The following TRIM9 variants were observed in gnomAD, a reference collection of about 807,000 sequenced individuals.
TRIM9 encodes the protein tripartite motif containing 9, also known as E3 ubiquitin-protein ligase TRIM9.
TRIM9 carries 26 observed loss-of-function variants against 78.3 expected under a neutral mutation model. The ratio of observed to expected loss-of-function variants is 0.33; its 90% confidence interval spans 0.24 to 0.46. The LOEUF (loss-of-function observed/expected upper bound fraction) is 0.46, where lower values mean the gene tolerates loss of function less well. Among genes scored for constraint, TRIM9 ranks in the 20% least tolerant of loss-of-function variants. The pLI is 1.00. For missense variants in TRIM9, 787 were observed against 1,036.4 expected, an observed-to-expected ratio of 0.76 and a Z score of 3.30; for synonymous variants, 398 against 416.5, an observed-to-expected ratio of 0.96 and a Z score of 0.54.
Position 50,978,296 on chromosome 14 carries a change from T to C in TRIM9, c.2326-943A>G, listed in dbSNP as rs138980578. Among the ~76,000 whole-genome samples the C allele has an allele frequency of 3.1e-3, 475 of 152,236 alleles. 2 individuals carry two copies. The highest frequency in any genetic ancestry group is 0.011 in the African/African-American group (452 of 41,532). ...TCAAGCCTTATCTCAAGACAACCAT[T>C]TGTGGAATGAGGCTCATAGTTGTTA... On this transcript the variant is annotated intron_variant, in intron 12 of 12. Coordinates refer to ENST00000684578, the MANE Select transcript of TRIM9 (RefSeq NM_001387360.1).
chr14:51,038,430 G>A (rs529354740), intron 1 of TRIM9, among the ~76,000 whole-genome samples: 2 of 152,288 alleles, frequency 1.3e-5, no homozygotes, highest in South Asian at 2.1e-4. Flanking sequence ...AAGGCAGTTG[G>A]TTAAGAGCTG....
At chr14:50,990,821 A>AC (rs2053413858) in intron 7 of TRIM9, among the ~76,000 whole-genome samples, 1 of 152,182 alleles carries the variant, frequency 6.6e-6, no homozygotes, top group Non-Finnish European at 1.5e-5. Flanking sequence ...ATGAGTTTCA[A>AC]CTCAATTATA....
intron 1 of TRIM9, among the ~76,000 whole-genome samples, chr14:51,034,551 T>G (rs2058985759): frequency 6.6e-6 from 1 of 152,076 alleles, no homozygotes; most frequent in African/African-American, 2.4e-5. Context: ...ATTTTGGGAG[T>G]ATGATTTTTT....
chr14:51,074,540 A>G (rs940870915), intron 1 of TRIM9, among the ~76,000 whole-genome samples: 8 of 152,152 alleles, frequency 5.3e-5, no homozygotes, highest in African/African-American at 1.9e-4. Flanking sequence ...TTCACCTTCC[A>G]TCTCTCTCAA....
At chr14:51,085,183 G>C (rs991062571) in intron 1 of TRIM9, among the ~76,000 whole-genome samples, 1 of 152,194 alleles carries the variant, frequency 6.6e-6, no homozygotes, top group Non-Finnish European at 1.5e-5. Flanking sequence ...GTAAGAGTAA[G>C]AGGAGATGAG....
chr14:51,077,954 A>G (rs144793979), intron 1 of TRIM9, among the ~76,000 whole-genome samples: 59 of 152,312 alleles, frequency 3.9e-4, no homozygotes, highest in African/African-American at 1.3e-3. Flanking sequence ...TGGTTATGCA[A>G]TCAAACTAGA....
intron 7 of TRIM9, chr14:50,997,485 G>A (rs1037149920): frequency 4.8e-5 from 47 of 985,560 alleles, no homozygotes; most frequent in Middle Eastern, 5.2e-4. Flanking sequence ...GACGGCCTCC[G>A]CTTTGGGTAT....
intron 1 of TRIM9, among the ~76,000 whole-genome samples, chr14:51,031,024 T>C (rs1447188061): frequency 1.3e-5 from 2 of 151,402 alleles, no homozygotes; most frequent in African/African-American, 4.9e-5. Context: ...GGCGGGCGCC[T>C]GTAACTCCAG....
intron 1 of TRIM9, chr14:51,091,287 T>C (rs1022963887): frequency 2.6e-5 from 4 of 152,226 alleles, no homozygotes; most frequent in African/African-American, 9.6e-5. Flanking sequence ...GCCATTTTAT[T>C]ATATCTTGAG....
In TRIM9 at chr14:51,072,748, T is replaced by C. The variant is rs2062407478; in HGVS notation, c.822+21370A>G. On this transcript the variant is annotated intron_variant, in intron 1 of 12. Transcript: ENST00000684578. ...TTTGAAAATCTATTTGCATTCGTACTGTTTGCACTTAAGAACCTCTCTCCC... is the reference window on the plus strand; with the variant it reads ...TTTGAAAATCTATTTGCATTCGTACCGTTTGCACTTAAGAACCTCTCTCCC... 2.0e-5 allele frequency among the ~76,000 whole-genome samples: 3 copies of C among 152,192 alleles called. No individual in the cohort carries two copies. In the South Asian group the frequency reaches 6.2e-4, roughly 31 times the overall value.
intron 1 of TRIM9, among the ~76,000 whole-genome samples, chr14:51,088,018 T>C (rs940588616): frequency 6.6e-6 from 1 of 152,204 alleles, no homozygotes; most frequent in African/African-American, 2.4e-5. Flanking sequence ...TTCCAGTCCA[T>C]ACATATAAAT....
At chr14:51,045,058 A>G (rs971611016) in intron 1 of TRIM9, among the ~76,000 whole-genome samples, 9 of 67,244 alleles carry the variant, frequency 1.3e-4, no homozygotes, top group Admixed American at 3.4e-4. Flanking sequence ...GAAAATATGG[A>G]AAAAAAAATC....
chr14:50,989,760 G>A (rs1311915750), intron 7 of TRIM9, among the ~76,000 whole-genome samples: 1 of 152,118 alleles, frequency 6.6e-6, no homozygotes, highest in African/African-American at 2.4e-5. Context: ...TGTTCGTAAC[G>A]AATACGTATC....
At chr14:50,997,637 C>A in intron 7 of TRIM9, 1 of 1,037,340 alleles carries the variant, frequency 9.6e-7, no homozygotes, top group Non-Finnish European at 1.2e-6. Context: ...ACCCTCAGAA[C>A]AAGCAAGTAC....
At chr14:51,016,573 ATACTAATAACATAATTTAATTAT>A (rs1254839642) in intron 3 of TRIM9, among the ~76,000 whole-genome samples, 1 of 150,906 alleles carries the variant, frequency 6.6e-6, no homozygotes, top group Non-Finnish European at 1.5e-5. Flanking sequence ...AATTATATTA[ATACTAATAACATAATTTAATTAT>A]TACTAATAAC....
chr14:51,053,220 A>G (rs1391381053), intron 1 of TRIM9, among the ~76,000 whole-genome samples: 2 of 152,066 alleles, frequency 1.3e-5, no homozygotes, highest in African/African-American at 4.8e-5. Context: ...AAAACAAAAG[A>G]AAAACGCAAA....
chr14:51,031,639 T>C (rs1387205751), intron 1 of TRIM9, among the ~76,000 whole-genome samples: 1 of 152,242 alleles, frequency 6.6e-6, no homozygotes, highest in Non-Finnish European at 1.5e-5. Flanking sequence ...CAGTTCATGA[T>C]GTACTCTTTT....
chr14:51,042,720 G>T (rs1002511300), intron 1 of TRIM9, among the ~76,000 whole-genome samples: 1 of 152,096 alleles, frequency 6.6e-6, no homozygotes, highest in African/African-American at 2.4e-5. Context: ...AGGTCATGGA[G>T]GCTTAGTCTT....
chr14:51,012,696 T>G (rs1194562727), intron 3 of TRIM9, among the ~76,000 whole-genome samples: 2 of 152,204 alleles, frequency 1.3e-5, no homozygotes, highest in African/African-American at 4.8e-5. Context: ...GGGTTCCAAT[T>G]TCTCCACATC....
Sources: gnomAD v4.1 joint callset for allele counts (sites outside exome capture counted in the v4.1 genomes callset) on GRCh38, gnomAD v4.1.1 for gene constraint, MANE v1.5 for transcripts, NCBI Gene and HGNC (gene_info 2026-07-23, HGNC 2026-07-21) for gene names.